Variants in CMKLR1 observed in about 807,000 individuals in gnomAD.
CMKLR1 encodes chemerin chemokine-like receptor 1.
CMKLR1 carries 6 observed loss-of-function variants against 8.2 expected under a neutral mutation model. That is an observed-to-expected ratio of 0.73 (90% confidence interval 0.40 to 1.44). The LOEUF (loss-of-function observed/expected upper bound fraction) is 1.44. CMKLR1 is among the 40% of genes most tolerant of loss of function. The pLI is 0.02. For missense variants in CMKLR1, 429 were observed against 478.0 expected, an observed-to-expected ratio of 0.90 and a Z score of 0.96; for synonymous variants, 178 against 181.2, an observed-to-expected ratio of 0.98 and a Z score of 0.14.
At chr12:108,331,243 A>G (rs1892098963) in intron 1 of CMKLR1, among the ~76,000 whole-genome samples, 1 of 152,166 alleles carries the variant, frequency 6.6e-6, no homozygotes, top group African/African-American at 2.4e-5. Context: ...TATGTACAAC[A>G]TGCCGCCATC....
At position 108,293,662 on chromosome 12, in the gene CMKLR1, C is replaced by T. The variant is rs911904078; in HGVS notation, c.-71G>A. 2 of 1,150,370 alleles carry T rather than the reference C, an allele frequency of 1.7e-6. No individual in the cohort carries two copies. The highest frequency in any genetic ancestry group is 3.5e-5 in the African/African-American group (2 of 56,646). The allele number at this position is 1,150,370 out of a possible 1,614,324, so 71.3% of individuals were successfully genotyped here. On this transcript the variant is annotated splice_region_variant and 5_prime_UTR_variant, in exon 3 of 4. Transcript: ENST00000550402. ...ATCAGTCCCTGTACACAGCTAGAAA[C>T]ACCTGTAGGGAAAAAAAAAAAAAAA...
intron 1 of CMKLR1, among the ~76,000 whole-genome samples, chr12:108,335,277 C>T (rs1397086787): frequency 1.3e-5 from 2 of 152,188 alleles, no homozygotes; most frequent in Non-Finnish European, 2.9e-5. Flanking sequence ...GCCTCCTTTG[C>T]AACTAGATTG....
At chr12:108,317,268 C>T (rs1487966130) in intron 2 of CMKLR1, among the ~76,000 whole-genome samples, 1 of 152,206 alleles carries the variant, frequency 6.6e-6, no homozygotes, top group East Asian at 1.9e-4. Flanking sequence ...TCATTATGTG[C>T]TCTAGAGGTT....
At chr12:108,323,757 C>T (rs1173657079) in intron 2 of CMKLR1, among the ~76,000 whole-genome samples, 1 of 152,204 alleles carries the variant, frequency 6.6e-6, no homozygotes, top group East Asian at 1.9e-4. Flanking sequence ...GGACTGGATG[C>T]CAGTCCTCTT....
At chr12:108,320,300 T>TCC (rs796663608) in intron 2 of CMKLR1, among the ~76,000 whole-genome samples, 137 of 151,144 alleles carry the variant, frequency 9.1e-4, no homozygotes, top group African/African-American at 3.1e-3. Flanking sequence ...CCCCAGTGTC[T>TCC]CTAAAATCCC....
chr12:108,291,469 A>G lies in CMKLR1; in HGVS notation c.*372T>C. On this transcript the variant is annotated 3_prime_UTR_variant, in exon 4 of 4. Coordinates refer to ENST00000550402, the MANE Select transcript of CMKLR1 (RefSeq NM_001142343.2). ...TTGCTCTGACCCCCTCACTGCTCAC[A>G]CCAGGAATGGACCTTGGAGAGTGTC... is the stretch of plus-strand genomic sequence containing the variant. 4.4e-6 allele frequency: 1 copy of G among 228,664 alleles called. No homozygotes were observed. Among genetic ancestry groups the G allele is most frequent in the South Asian group, 7.4e-5 (1 of 13,570 alleles). The allele number at this position is 228,664 out of a possible 1,614,324, so 14.2% of individuals were successfully genotyped here. A position where few individuals can be genotyped will look rare whatever the true frequency, so the allele number is the denominator to read the frequency against.
At chr12:108,332,103 A>C (rs190365806) in intron 1 of CMKLR1, among the ~76,000 whole-genome samples, 49 of 152,268 alleles carry the variant, frequency 3.2e-4, no homozygotes. Context: ...CCCTGCCCTT[A>C]TTCCCCACCC....
At chr12:108,326,951 G>A (rs1891993906) in intron 2 of CMKLR1, among the ~76,000 whole-genome samples, 2 of 152,018 alleles carry the variant, frequency 1.3e-5, no homozygotes, top group South Asian at 2.1e-4. Flanking sequence ...CACAACTCAT[G>A]GCAGATCCTG....
chr12:108,331,321 G>A (rs1478086753), intron 1 of CMKLR1, among the ~76,000 whole-genome samples: 2 of 152,160 alleles, frequency 1.3e-5, no homozygotes, highest in Admixed American at 6.5e-5. Flanking sequence ...GGACGTGAAC[G>A]CAGTCTAAAT....
chr12:108,306,364 C>T (rs1362996807), intron 2 of CMKLR1, among the ~76,000 whole-genome samples: 2 of 150,898 alleles, frequency 1.3e-5, no homozygotes, highest in Non-Finnish European at 1.5e-5. Flanking sequence ...TTTGTCAGTC[C>T]TCCCCTGACT....
At position 108,322,208 on chromosome 12, in the gene CMKLR1, C is replaced by T. The variant is rs148869584; in HGVS notation, c.-74+7787G>A. Among the ~76,000 whole-genome samples the T allele has an allele frequency of 5.1e-4, 78 of 152,240 alleles. 1 individual carries two copies. The East Asian group carries it at 0.013, about 25-fold the overall frequency. Reference sequence around the variant, plus strand: ...AATTCTGAGTCCCGGATCCCTGGAACGGGTTGGAACTCCTGCTGGAGCTCA... The same window carrying T: ...AATTCTGAGTCCCGGATCCCTGGAATGGGTTGGAACTCCTGCTGGAGCTCA... On this transcript the variant is annotated intron_variant, in intron 2 of 3. Coordinates refer to ENST00000550402, the MANE Select transcript of CMKLR1 (RefSeq NM_001142343.2).
intron 2 of CMKLR1, among the ~76,000 whole-genome samples, chr12:108,313,214 A>C (rs1891630004): frequency 6.6e-6 from 1 of 152,146 alleles, no homozygotes; most frequent in South Asian, 2.1e-4. Flanking sequence ...TCCCAAGGCA[A>C]AGCCCAAGCC....
chr12:108,302,654 A>T, intron 2 of CMKLR1, among the ~76,000 whole-genome samples: 1 of 152,196 alleles, frequency 6.6e-6, no homozygotes, highest in East Asian at 1.9e-4. Flanking sequence ...AGCCACTCCC[A>T]GCCTCAGGTC....
intron 2 of CMKLR1, among the ~76,000 whole-genome samples, chr12:108,306,947 TGTAGCCCCC>T (rs1185643656): frequency 6.6e-6 from 1 of 152,172 alleles, no homozygotes; most frequent in African/African-American, 2.4e-5. Flanking sequence ...AGGAAGCCCC[TGTAGCCCCC>T]AATAATGGGT....
At chr12:108,310,460 T>G (rs7302400) in intron 2 of CMKLR1, among the ~76,000 whole-genome samples, 105,260 of 151,958 alleles carry the variant, frequency 0.69, 36,627 homozygotes, top group South Asian at 0.75. Context: ...GTTCCAGGCC[T>G]ACCCAGAAAG....
At chr12:108,300,495 A>G (rs1891239537) in intron 2 of CMKLR1, among the ~76,000 whole-genome samples, 1 of 146,694 alleles carries the variant, frequency 6.8e-6, no homozygotes, top group African/African-American at 2.5e-5. Context: ...GAATGAATGA[A>G]TGCTTGTTTT....
chr12:108,293,603 T>A lies in CMKLR1; in HGVS notation c.-12A>T. ...GACTTCCTCACCATTCACCGTTATGTTGTCTGCAGCTCTCCAATGTGAGTC... is the reference window on the plus strand; with the variant it reads ...GACTTCCTCACCATTCACCGTTATGATGTCTGCAGCTCTCCAATGTGAGTC... On this transcript the variant is annotated 5_prime_UTR_variant, in exon 3 of 4. Coordinates refer to ENST00000550402, the MANE Select transcript of CMKLR1 (RefSeq NM_001142343.2). 1 of 1,551,158 alleles carries A rather than the reference T, an allele frequency of 6.4e-7. No homozygotes were observed. Among genetic ancestry groups the A allele is most frequent in the Non-Finnish European group, 8.7e-7 (1 of 1,146,936 alleles).
intron 2 of CMKLR1, among the ~76,000 whole-genome samples, chr12:108,311,170 C>T (rs1325644448): frequency 6.6e-6 from 1 of 152,184 alleles, no homozygotes; most frequent in African/African-American, 2.4e-5. Context: ...GAAGCAGAGG[C>T]CCACACACAA....
chr12:108,293,681 A>AG lies in CMKLR1; in HGVS notation c.-73-18_-73-17insC. 7.0e-7 allele frequency: 1 copy of AG among 1,419,954 alleles called. No individual in the cohort carries two copies. The allele number at this position is 1,419,954 out of a possible 1,614,324, so 88.0% of individuals were successfully genotyped here. A position where few individuals can be genotyped will look rare whatever the true frequency, so the allele number is the denominator to read the frequency against. On this transcript the variant is annotated splice_polypyrimidine_tract_variant and intron_variant, in intron 2 of 3. Coordinates refer to ENST00000550402, the MANE Select transcript of CMKLR1 (RefSeq NM_001142343.2). ...TAGAAACACCTGTAGGGAAAAAAAA[A>AG]AAAAAAAAAGCAGCAATTGGATCCA...
Sources: allele counts gnomAD v4.1 joint callset (sites outside exome capture counted in the v4.1 genomes callset), GRCh38; gene constraint gnomAD v4.1.1; transcripts MANE v1.5; gene names NCBI Gene and HGNC (gene_info 2026-07-23, HGNC 2026-07-21).